The following MBP variants were observed in gnomAD, a reference collection of about 807,000 sequenced individuals.
MBP encodes myelin basic protein.
A neutral mutation model predicts 35.8 loss-of-function variants in MBP; 16 were observed. The observed-to-expected ratio is 0.45, with a 90% CI of 0.30 to 0.68. The LOEUF is 0.68. MBP is among the 30% of genes least tolerant of loss of function. MBP has a pLI of 0.08. For missense variants in MBP, 380 were observed against 404.7 expected (o/e 0.94, Z 0.52); for synonymous variants, 143 against 159.6 (o/e 0.90, Z 0.78).
chr18:77,090,026 C>CTGCA (rs1975437345), intron 2 of MBP, among the ~76,000 whole-genome samples: 1 of 152,186 alleles, frequency 6.6e-6, no homozygotes, highest in Non-Finnish European at 1.5e-5. Flanking sequence ...GAACTGTGAC[C>CTGCA]TGCAGCTTTG....
chr18:77,046,737 G>A (rs1017883295), intron 3 of MBP, among the ~76,000 whole-genome samples: 8 of 152,238 alleles, frequency 5.3e-5, no homozygotes, highest in African/African-American at 1.4e-4. Flanking sequence ...CCAAAGACTC[G>A]GTCCTTGTTC....
chr18:77,104,065 G>A (rs540935763), intron 2 of MBP, among the ~76,000 whole-genome samples: 1 of 152,226 alleles, frequency 6.6e-6, no homozygotes, highest in African/African-American at 2.4e-5. Flanking sequence ...TAGAGGAGCC[G>A]CCACTGGAAA....
At chr18:77,121,572 T>G (rs1270368225) in intron 1 of MBP, among the ~76,000 whole-genome samples, 1 of 152,218 alleles carries the variant, frequency 6.6e-6, no homozygotes, top group Non-Finnish European at 1.5e-5. Context: ...AACATCTTGC[T>G]TAAATCCTCC....
At chr18:77,097,168 G>A (rs1975791056) in intron 2 of MBP, 1 of 152,348 alleles carries the variant, frequency 6.6e-6, no homozygotes, top group African/African-American at 2.4e-5. Flanking sequence ...CTCGGGGCAA[G>A]GACTCCCCTG....
intron 1 of MBP, among the ~76,000 whole-genome samples, chr18:77,110,690 T>C (rs984884653): frequency 6.6e-6 from 1 of 152,218 alleles, no homozygotes; most frequent in Non-Finnish European, 1.5e-5. Context: ...TCCATAAGTG[T>C]GTATGGAACT....
chr18:76,990,332 G>A (rs1969825552), intron 4 of MBP, among the ~76,000 whole-genome samples: 1 of 152,032 alleles, frequency 6.6e-6, no homozygotes, highest in Non-Finnish European at 1.5e-5. Flanking sequence ...AGAGTTAGAG[G>A]GGTAGGAAGG....
intron 2 of MBP, among the ~76,000 whole-genome samples, chr18:77,079,355 G>T (rs11664872): frequency 1.3e-5 from 2 of 152,144 alleles, no homozygotes; most frequent in South Asian, 2.1e-4. Flanking sequence ...CGGCCACTGT[G>T]GGGGAGCAGG....
At chr18:77,070,870 G>C (rs1056731395) in intron 2 of MBP, among the ~76,000 whole-genome samples, 26 of 152,304 alleles carry the variant, frequency 1.7e-4, no homozygotes, top group African/African-American at 4.6e-4. Flanking sequence ...ACGTCGGCGG[G>C]CGGAATCCTG....
intron 2 of MBP, among the ~76,000 whole-genome samples, chr18:77,080,833 C>T (rs1300505502): frequency 6.6e-6 from 1 of 152,066 alleles, no homozygotes; most frequent in Non-Finnish European, 1.5e-5. Context: ...CAGGTGCTCG[C>T]CACCACGCCC....
At chr18:77,010,135 G>T in intron 4 of MBP, 2 of 587,950 alleles carry the variant, frequency 3.4e-6, no homozygotes, top group Non-Finnish European at 6.1e-6. Flanking sequence ...GAGGTGATGG[G>T]AGGTCAGAGG....
intron 1 of MBP, among the ~76,000 whole-genome samples, chr18:77,106,048 C>CA (rs1976264425): frequency 6.6e-6 from 1 of 152,220 alleles, no homozygotes; most frequent in Admixed American, 6.5e-5. Context: ...CTGGAACCAT[C>CA]AGCCCAGACC....
intron 2 of MBP, among the ~76,000 whole-genome samples, chr18:77,099,404 G>T (rs928582821): frequency 6.6e-6 from 1 of 152,234 alleles, no homozygotes; most frequent in Non-Finnish European, 1.5e-5. Flanking sequence ...CATGGGAGAA[G>T]AATTGTTAAC....
At chr18:77,038,484 C>T (rs866082447) in intron 3 of MBP, among the ~76,000 whole-genome samples, 55 of 152,300 alleles carry the variant, frequency 3.6e-4, no homozygotes, top group African/African-American at 1.3e-3. Flanking sequence ...GAAAGGCAAA[C>T]CCTTTGTTTG....
chr18:77,077,420 C>T (rs1974709364), intron 2 of MBP, among the ~76,000 whole-genome samples: 1 of 151,754 alleles, frequency 6.6e-6, no homozygotes, highest in South Asian at 2.1e-4. Flanking sequence ...AAATACTTTC[C>T]CCTGCAAACT....
At chr18:77,037,046 T>C in intron 3 of MBP, among the ~76,000 whole-genome samples, 1 of 142,840 alleles carries the variant, frequency 7.0e-6, no homozygotes, top group African/African-American at 2.7e-5. Flanking sequence ...GAGTAAGTGC[T>C]GGTCACATTT....
chr18:77,003,829 C>G (rs1020921155), intron 4 of MBP: 3 of 152,152 alleles, frequency 2.0e-5, no homozygotes, highest in African/African-American at 7.2e-5. Flanking sequence ...TAAAGATGCT[C>G]AAAGGAGACA....
At chr18:77,085,683 GTTTTTTTTTT>G (rs10645727) in intron 2 of MBP, among the ~76,000 whole-genome samples, 3 of 124,240 alleles carry the variant, frequency 2.4e-5, no homozygotes, top group Middle Eastern at 4.5e-3. Flanking sequence ...AGTGCAATAA[GTTTTTTTTTT>G]TTTTTTTTTG....
chr18:77,029,303 C>G (rs1344780099), intron 3 of MBP, among the ~76,000 whole-genome samples: 41 of 149,706 alleles, frequency 2.7e-4, no homozygotes, highest in South Asian at 1.7e-3. Context: ...CGCAGGCACT[C>G]GGCAGGCTGA....
At chr18:77,007,860 G>C (rs1309085739) in intron 4 of MBP, among the ~76,000 whole-genome samples, 1 of 152,184 alleles carries the variant, frequency 6.6e-6, no homozygotes, top group East Asian at 1.9e-4. Flanking sequence ...GGATTTTAAA[G>C]GTATATGCAA....
Sources: gnomAD v4.1 joint callset for allele counts (sites outside exome capture counted in the v4.1 genomes callset) on GRCh38, gnomAD v4.1.1 for gene constraint, MANE v1.5 for transcripts, NCBI Gene and HGNC (gene_info 2026-07-23, HGNC 2026-07-21) for gene names.